Variants in PGM3 observed in about 807,000 individuals in gnomAD.
The protein encoded by PGM3 is phosphoacetylglucosamine mutase.
PGM3 carries 40 observed loss-of-function variants against 66.2 expected under a neutral mutation model. The observed-to-expected ratio is 0.60, with a 90% CI of 0.47 to 0.79. The LOEUF (loss-of-function observed/expected upper bound fraction) is 0.79. Ranked by LOEUF, PGM3 falls within the 30% of genes least tolerant of loss-of-function variation. The probability of loss-of-function intolerance (pLI) is 0.00; values close to 1 mark genes in which losing one functional copy is unlikely to be tolerated. For missense variants in PGM3, 537 were observed against 643.4 expected (o/e 0.83, Z 1.79); for synonymous variants, 191 against 224.2 (o/e 0.85, Z 1.32).
At chr6:83,180,573 G>C (rs1788105409) in intron 6 of PGM3, among the ~76,000 whole-genome samples, 1 of 152,142 alleles carries the variant, frequency 6.6e-6, no homozygotes, top group Middle Eastern at 3.2e-3. Flanking sequence ...CAACTAAGAA[G>C]TAAAAGGCTT....
downstream of PGM3, chr6:83,159,873 A>T: frequency 1.2e-6 from 2 of 1,614,156 alleles, no homozygotes; most frequent in Non-Finnish European, 1.7e-6. Context: ...TATAACAGCC[A>T]GCGGTGGTTA....
Position 83,182,969 on chromosome 6 carries a change from A to C in PGM3, c.467T>G (p.Leu156Trp). The change falls in exon 5 of 13, where the codon TTG becomes TGG. Residue 156 changes from leucine to tryptophan, a missense_variant. By Grantham distance (61) the Leu-to-Trp change is moderately conservative (BLOSUM62 -2). Transcript: ENST00000513973. ...VLGGQFHDYGLLTTPQLHYMV... is the reference protein window; with the variant it reads ...VLGGQFHDYGWLTTPQLHYMV... ...GTAGTGCAGCTGGGGTGTTGTTAAC[A>C]AGCCATAATCTGTCATAGAAATACA... 6 of 1,613,780 alleles carry C rather than the reference A, an allele frequency of 3.7e-6. No individual in the cohort carries two copies. Among genetic ancestry groups the C allele is most frequent in the Non-Finnish European group, 5.1e-6 (6 of 1,179,874 alleles).
chr6:83,164,663 A>G (rs758095399), downstream of PGM3: 36 of 1,576,406 alleles, frequency 2.3e-5, no homozygotes, highest in South Asian at 3.6e-4. Flanking sequence ...TCCACAGGAC[A>G]AGGAGGAGGA....
the PGM3 span, chr6:83,154,259 A>G: frequency 1.2e-6 from 2 of 1,607,116 alleles, no homozygotes; most frequent in Non-Finnish European, 8.5e-7. Context: ...TTACGGGATG[A>G]CAATCCAAGT....
At position 83,167,134 on chromosome 6, in the gene PGM3, C is replaced by T; in HGVS notation, c.*2100G>A. The T allele has an allele frequency of 6.4e-6, 6 of 940,870 alleles. No homozygotes were observed. Among genetic ancestry groups the T allele is most frequent in the Non-Finnish European group, 6.3e-6 (5 of 789,340 alleles). The allele number at this position is 940,870 out of a possible 1,614,324, so 58.3% of individuals were successfully genotyped here. On this transcript the variant is annotated 3_prime_UTR_variant, in exon 13 of 13. Coordinates refer to ENST00000513973, the MANE Select transcript of PGM3 (RefSeq NM_015599.3). ...AGTTTTCACATACCTTCTCATTTGACTTCTCTACTAAAAGGTAGTTTTAGA... is the reference window on the plus strand; with the variant it reads ...AGTTTTCACATACCTTCTCATTTGATTTCTCTACTAAAAGGTAGTTTTAGA...
chr6:83,153,741 T>A, the PGM3 span: 2 of 1,169,968 alleles, frequency 1.7e-6, no homozygotes, highest in Non-Finnish European at 1.2e-6. Context: ...GAATTATAAT[T>A]GTTTAAAAAA....
In PGM3 at chr6:83,179,840, A is replaced by G; in HGVS notation, c.915T>C (p.Ile305=). ...CCAGGAGCTCTTTAAGGAAACTGCT[A>G]ATTAACGTTGCTATCTTGTCTCCAT... ...LIDGDKIATL[I]SSFLKELLVE... The change falls in exon 7 of 13, where the codon ATT becomes ATC. Residue 305 remains isoleucine (I), a synonymous_variant. Transcript: ENST00000513973. The G allele has an allele frequency of 6.2e-7, 1 of 1,613,020 alleles. No homozygotes were observed. Among genetic ancestry groups the G allele is most frequent in the Non-Finnish European group, 8.5e-7 (1 of 1,179,438 alleles).
downstream of PGM3, chr6:83,162,672 C>G (rs906291721): frequency 8.6e-7 from 1 of 1,168,272 alleles, no homozygotes. Context: ...AGTGGCACAT[C>G]TGGCATTTGA....
chr6:83,162,950 TAC>T, downstream of PGM3: 1 of 1,599,464 alleles, frequency 6.3e-7, no homozygotes, highest in Non-Finnish European at 8.5e-7. Context: ...TGTTTTGTTT[TAC>T]ATCACTACAT....
intron 4 of PGM3, 23 bp from the exon 5 acceptor site, chr6:83,183,001 A>G (rs918314694): frequency 6.2e-6 from 10 of 1,603,636 alleles, no homozygotes; most frequent in African/African-American, 4.0e-5. Context: ...TACAAAAAGC[A>G]ATTCACCGCA....
At chr6:83,191,294 C>A in intron 1 of PGM3, 1 of 1,461,758 alleles carries the variant, frequency 6.8e-7, no homozygotes, top group Non-Finnish European at 9.3e-7. Context: ...ATCCTGGACG[C>A]CGGGCACACT....
intron 5 of PGM3, among the ~76,000 whole-genome samples, chr6:83,182,185 T>G (rs1788223708): frequency 6.6e-6 from 1 of 152,188 alleles, no homozygotes; most frequent in African/African-American, 2.4e-5. Context: ...TTATTAGAAT[T>G]TAGTCTCAAT....
chr6:83,177,915 C>T (rs1371161914), intron 8 of PGM3, among the ~76,000 whole-genome samples: 1 of 152,046 alleles, frequency 6.6e-6, no homozygotes, highest in East Asian at 1.9e-4. Flanking sequence ...ATTTTTCATC[C>T]ACTGACCACC....
At position 83,188,616 on chromosome 6, in the gene PGM3, G is replaced by T. The variant is rs1309465518; in HGVS notation, c.387C>A (p.Thr129=). 6.2e-7 allele frequency: 1 copy of T among 1,607,246 alleles called. No individual in the cohort carries two copies. The highest frequency in any genetic ancestry group is 1.7e-5 in the Admixed American group (1 of 59,942). Residue 129 remains threonine, a splice_region_variant and synonymous_variant, in exon 3 of 13, where the codon ACC becomes ACA. Transcript: ENST00000513973. ...TTACCAGTAACTCTTATCATCACCT[G>T]GTATCTCTACCAATAACTACAAAGG... The part of the protein sequence containing the change: ...QDAFVVIGRD[T]RPSSEKLSQS...
chr6:83,162,679 T>A (rs1784503285), downstream of PGM3: 21 of 1,266,986 alleles, frequency 1.7e-5, no homozygotes, highest in Non-Finnish European at 2.2e-5. Flanking sequence ...CATCTGGCAT[T>A]TGAATTTTTA....
chr6:83,168,862 A>G lies in PGM3; in HGVS notation c.*372T>C, dbSNP rs2128471503. 1 of 1,044,534 alleles carries G rather than the reference A, an allele frequency of 9.6e-7. No individual in the cohort carries two copies. The highest frequency in any genetic ancestry group is 4.8e-5 in the Admixed American group (1 of 20,620). 64.7% of individuals were successfully genotyped at this position (1,044,534 alleles called of 1,614,324 possible). A position where few individuals can be genotyped will look rare whatever the true frequency, so the allele number is the denominator to read the frequency against. On this transcript the variant is annotated 3_prime_UTR_variant, in exon 13 of 13. Coordinates refer to ENST00000513973, the MANE Select transcript of PGM3 (RefSeq NM_015599.3). ...TATCAGCAATGGGGAATGCTGCAAAACATCATCTTGCTCATGTGATGGTGA... is the reference window on the plus strand; with the variant it reads ...TATCAGCAATGGGGAATGCTGCAAAGCATCATCTTGCTCATGTGATGGTGA...
At chr6:83,156,984 T>C (rs1264284986), downstream of PGM3, among the ~76,000 whole-genome samples, 4 of 152,184 alleles carry the variant, frequency 2.6e-5, no homozygotes, top group African/African-American at 7.2e-5. Flanking sequence ...AATAAGAAAA[T>C]GACATTTGTA....
chr6:83,174,114 A>G (rs1463098818), intron 10 of PGM3, among the ~76,000 whole-genome samples: 1 of 152,214 alleles, frequency 6.6e-6, no homozygotes, highest in East Asian at 1.9e-4. Context: ...TACACTGAGT[A>G]GCTGAATCTG....
chr6:83,189,897 T>C lies in PGM3; in HGVS notation c.204+912A>G, dbSNP rs1788913426. On this transcript the variant is annotated intron_variant, in intron 2 of 12. Coordinates refer to ENST00000513973, the MANE Select transcript of PGM3 (RefSeq NM_015599.3). Reference sequence around the variant, plus strand: ...AATAAGCCAGACACATGAAGACAAATACTGCAGGCTCATAACATACATGTG... The same window carrying C: ...AATAAGCCAGACACATGAAGACAAACACTGCAGGCTCATAACATACATGTG... Among the ~76,000 whole-genome samples the C allele has an allele frequency of 2.0e-5, 3 of 152,294 alleles. No homozygotes were observed. In the South Asian group the frequency reaches 6.2e-4, roughly 32 times the overall value.
Sources: allele counts gnomAD v4.1 joint callset (sites outside exome capture counted in the v4.1 genomes callset), GRCh38; gene constraint gnomAD v4.1.1; transcripts MANE v1.5; gene names NCBI Gene and HGNC (gene_info 2026-07-23, HGNC 2026-07-21).